MPP3: variants seen among roughly 807,000 people sequenced by gnomAD.
The protein encoded by MPP3 is MAGUK p55 scaffold protein 3.
Under a neutral mutation model 80.7 loss-of-function variants are expected in MPP3, and 48 were observed. The observed-to-expected ratio is 0.59, with a 90% CI of 0.47 to 0.76. MPP3 has a LOEUF of 0.76. MPP3 is among the 30% of genes least tolerant of loss of function. The pLI, the probability that MPP3 is intolerant of heterozygous loss-of-function variation, is 0.00. For synonymous variants in MPP3, 311 were observed against 297.6 expected, an observed-to-expected ratio of 1.04 and a Z score of -0.46; for missense variants, 620 against 763.0, an observed-to-expected ratio of 0.81 and a Z score of 2.21.
rs747822762 is a variant in MPP3, at chr17:43,827,819, C to T, written c.455G>A (p.Arg152Gln). ...KNKEPLGATIRRDEHSGAVVV... is the reference protein window; with the variant it reads ...KNKEPLGATIQRDEHSGAVVV... ...AACAGCCCCTGAGTGCTCGTCCCGC[C>T]GGATGGTGGCACCCTGAACCCGAGA... Residue 152 changes from arginine to glutamine, a missense_variant, in exon 8 of 20, where the codon CGG (arginine) becomes CAG (glutamine). Coordinates refer to ENST00000398389, the MANE Select transcript of MPP3 (RefSeq NM_001932.6). 3.7e-6 allele frequency: 6 copies of T among 1,613,252 alleles called. No individual in the cohort carries two copies. The highest frequency in any genetic ancestry group is 5.1e-6 in the Non-Finnish European group (6 of 1,180,012).
intron 11 of MPP3, among the ~76,000 whole-genome samples, 167 bp from the exon 12 acceptor site, chr17:43,818,277 C>T (rs1044169225): frequency 6.6e-6 from 1 of 152,236 alleles, no homozygotes; most frequent in Non-Finnish European, 1.5e-5. Context: ...GAAGGGAACA[C>T]TTTCACAGGG....
chr17:43,825,984 C>T (rs778957537), intron 8 of MPP3, 143 bp from the exon 9 acceptor site: 2 of 617,746 alleles, frequency 3.2e-6, no homozygotes, highest in Admixed American at 2.5e-5. Flanking sequence ...GGGACTGGGG[C>T]GAACTAAGCC....
At chr17:43,816,840 G>A in intron 12 of MPP3, 143 bp from the exon 13 acceptor site, 2 of 749,304 alleles carry the variant, frequency 2.7e-6, no homozygotes, top group East Asian at 2.7e-5. Flanking sequence ...TGTGATCTGA[G>A]CTGTGGTACG....
intron 12 of MPP3, among the ~76,000 whole-genome samples, 187 bp from the exon 13 acceptor site, chr17:43,816,884 T>C (rs1427429390): frequency 5.9e-5 from 9 of 152,160 alleles, no homozygotes; most frequent in Admixed American, 3.3e-4. Context: ...TAATTAGTCT[T>C]CTTGTATGTG....
At chr17:43,813,901 G>A (rs1177705154) in intron 16 of MPP3, 110 bp downstream of exon 16, 23 of 920,038 alleles carry the variant, frequency 2.5e-5, no homozygotes, top group Non-Finnish European at 3.4e-5. Context: ...GCAGTGCCTG[G>A]TGATCCTTTA....
intron 10 of MPP3, among the ~76,000 whole-genome samples, chr17:43,822,339 T>G (rs1456662977): frequency 6.6e-6 from 1 of 152,208 alleles, no homozygotes; most frequent in Non-Finnish European, 1.5e-5. Context: ...GATGCTGTAA[T>G]GTTTCTTCTT....
intron 16 of MPP3, 66 bp downstream of exon 16, chr17:43,813,945 G>A (rs1473482162): frequency 1.5e-6 from 2 of 1,322,516 alleles, no homozygotes; most frequent in African/African-American, 1.5e-5. Context: ...GATCTGGGGA[G>A]TTAAGTCTCC....
intron 6 of MPP3, 99 bp downstream of exon 6, chr17:43,829,928 T>C: frequency 1.3e-6 from 2 of 1,524,980 alleles, no homozygotes; most frequent in South Asian, 2.3e-5. Flanking sequence ...TGAGGATCGC[T>C]CCCTCAGTCT....
rs778610822 is a variant in MPP3, at chr17:43,811,111, CTTG to C, written c.1347_1349del (p.Asn449del). ...GCCAACTGGCCCATCAAGCAACGTA[CTTG>C]TTGTGATGTAAGTCGGCCTCAAATG... On this transcript the variant is annotated inframe_deletion and splice_region_variant, in exon 17 of 20. Coordinates refer to ENST00000398389, the MANE Select transcript of MPP3 (RefSeq NM_001932.6). 8.1e-6 allele frequency: 13 copies of C among 1,613,086 alleles called. No homozygotes were observed. The highest frequency in any genetic ancestry group is 5.3e-5 in the African/African-American group (4 of 74,914).
chr17:43,822,729 C>A (rs1043279958), intron 10 of MPP3, among the ~76,000 whole-genome samples: 1 of 140,920 alleles, frequency 7.1e-6, no homozygotes, highest in African/African-American at 2.7e-5. Context: ...ATCTCTTGGG[C>A]TGTGGGATGC....
intron 14 of MPP3, 162 bp from the exon 15 acceptor site, chr17:43,814,523 A>G: frequency 1.6e-6 from 1 of 627,442 alleles, no homozygotes; most frequent in Non-Finnish European, 2.6e-6. Context: ...CAGGAAATAC[A>G]ATAATAAGAT....
chr17:43,801,525 AAAC>A lies in MPP3; in HGVS notation c.*173_*175del, dbSNP rs1332332717. ...TCATGATCCAAAGAGGTGCAGTGAA[AAAC>A]AACAGACAAAAACCAACAACAAACA... is the stretch of plus-strand genomic sequence containing the variant. On this transcript the variant is annotated 3_prime_UTR_variant, in exon 20 of 20. Coordinates refer to ENST00000398389, the MANE Select transcript of MPP3 (RefSeq NM_001932.6). 1.0e-5 allele frequency: 6 copies of A among 589,794 alleles called. No individual in the cohort carries two copies. The highest frequency in any genetic ancestry group is 3.6e-5 in the Admixed American group (1 of 28,148). The allele number at this position is 589,794 out of a possible 1,614,324, so 36.5% of individuals were successfully genotyped here.
chr17:43,805,528 G>A (rs2044581093), intron 19 of MPP3, among the ~76,000 whole-genome samples: 2 of 152,142 alleles, frequency 1.3e-5, no homozygotes, highest in South Asian at 4.1e-4. Context: ...CATAATAGCT[G>A]AAAAGGTAGA....
rs2044837307 is a variant in MPP3, at chr17:43,811,118, T to A, written c.1343A>T (p.His448Leu). The A allele has an allele frequency of 1.9e-6, 3 of 1,613,838 alleles. No homozygotes were observed. Among genetic ancestry groups the A allele is most frequent in the Non-Finnish European group, 2.5e-6 (3 of 1,179,672 alleles). Residue 448 changes from histidine to leucine, a missense_variant, in exon 17 of 20, where the codon CAC becomes CTC. Coordinates refer to ENST00000398389, the MANE Select transcript of MPP3 (RefSeq NM_001932.6). ...GGCCCATCAAGCAACGTACTTGTTG[T>A]GATGTAAGTCGGCCTCAAATGCTTG... ...SKQAFEADLH[H>L]NKFLEHGEYK... is the part of the protein sequence containing the mutation.
At chr17:43,818,025 C>T in intron 12 of MPP3, 21 bp downstream of exon 12, 2 of 1,568,392 alleles carry the variant, frequency 1.3e-6, no homozygotes, top group Admixed American at 1.9e-5. Context: ...CCTGGAGTGC[C>T]ATCCCTGACA....
At chr17:43,831,792 C>T in intron 3 of MPP3, 90 bp downstream of exon 3, 1 of 1,457,850 alleles carries the variant, frequency 6.9e-7, no homozygotes, top group Non-Finnish European at 9.3e-7. Flanking sequence ...GACATTCTCT[C>T]CCCAGGCTCT....
chr17:43,803,132 G>A (rs923067443), intron 19 of MPP3, among the ~76,000 whole-genome samples: 1 of 151,982 alleles, frequency 6.6e-6, no homozygotes, highest in Non-Finnish European at 1.5e-5. Flanking sequence ...GCCCTATCCC[G>A]TAACTGCCCC....
At chr17:43,813,579 T>C (rs1292786135) in intron 16 of MPP3, among the ~76,000 whole-genome samples, 1 of 152,114 alleles carries the variant, frequency 6.6e-6, no homozygotes, top group African/African-American at 2.4e-5. Flanking sequence ...GGAATCTGGC[T>C]ATAAGGGAGT....
chr17:43,808,423 G>A (rs543487557), intron 19 of MPP3, among the ~76,000 whole-genome samples: 9 of 152,304 alleles, frequency 5.9e-5, no homozygotes, highest in East Asian at 1.9e-4. Flanking sequence ...TGAGGGTCTC[G>A]CCATCCTGAC....
Sources: gnomAD v4.1 joint callset for allele counts (sites outside exome capture counted in the v4.1 genomes callset) on GRCh38, gnomAD v4.1.1 for gene constraint, MANE v1.5 for transcripts, NCBI Gene and HGNC (gene_info 2026-07-23, HGNC 2026-07-21) for gene names.